The following TLL1 variants were observed in gnomAD, a reference collection of about 807,000 sequenced individuals.
The protein encoded by TLL1 is tolloid like 1.
TLL1 carries 49 observed loss-of-function variants against 128.2 expected under a neutral mutation model. That is an observed-to-expected ratio of 0.38 (90% confidence interval 0.30 to 0.48). TLL1 has a LOEUF of 0.48. TLL1 is among the 20% of genes least tolerant of loss of function. The probability of loss-of-function intolerance (pLI) is 0.96; values close to 1 mark genes in which losing one functional copy is unlikely to be tolerated. For missense variants in TLL1, 1,123 were observed against 1,242.0 expected (o/e 0.90, Z 1.44); for synonymous variants, 454 against 418.8 (o/e 1.08, Z -1.03).
chr4:166,065,906 A>C (rs777922846), intron 16 of TLL1, 43 bp downstream of exon 16: 2 of 1,591,226 alleles, frequency 1.3e-6, no homozygotes, highest in Non-Finnish European at 8.6e-7. Flanking sequence ...ACAGATTTTC[A>C]ATGTGGGTTG....
intron 1 of TLL1, among the ~76,000 whole-genome samples, chr4:165,954,929 A>G (rs1734709958): frequency 6.6e-6 from 1 of 152,090 alleles, no homozygotes; most frequent in African/African-American, 2.4e-5. Flanking sequence ...CCAAGCTGTC[A>G]CACTAGGTCC....
Position 166,014,417 on chromosome 4 carries a change from T to C in TLL1, c.918-19T>C. The stretch of plus-strand genomic sequence containing the variant: ...TTCATTTGGTGACTTAGGTGTGGTT[T>C]GCTTCTGCTTTTTTTCAGGGGGATG... On this transcript the variant is annotated intron_variant, in intron 7 of 20. Transcript: ENST00000061240. The C allele has an allele frequency of 1.2e-6, 2 of 1,611,764 alleles. No individual in the cohort carries two copies. Among genetic ancestry groups the C allele is most frequent in the South Asian group, 1.1e-5 (1 of 91,068 alleles).
intron 16 of TLL1, among the ~76,000 whole-genome samples, chr4:166,069,554 T>C (rs1055325756): frequency 1.3e-5 from 2 of 151,784 alleles, no homozygotes; most frequent in Non-Finnish European, 2.9e-5. Context: ...AGTTTTAACA[T>C]ACAATGAAAT....
intron 1 of TLL1, among the ~76,000 whole-genome samples, chr4:165,896,762 C>A (rs186848257): frequency 6.6e-5 from 10 of 152,134 alleles, no homozygotes; most frequent in South Asian, 2.1e-4. Context: ...GCATTACAGG[C>A]GTGAGGCACC....
intron 1 of TLL1, among the ~76,000 whole-genome samples, chr4:165,888,166 T>G (rs1280632859): frequency 6.6e-6 from 1 of 152,202 alleles, no homozygotes. Flanking sequence ...CTCCCAGTGT[T>G]GCACAGAAGT....
At chr4:165,984,091 C>T (rs558795030) in intron 1 of TLL1, among the ~76,000 whole-genome samples, 2 of 151,840 alleles carry the variant, frequency 1.3e-5, no homozygotes, top group Admixed American at 1.3e-4. Flanking sequence ...TATGAACAAA[C>T]ACTAAAATAA....
At chr4:165,900,799 G>T (rs1731949220) in intron 1 of TLL1, among the ~76,000 whole-genome samples, 2 of 152,170 alleles carry the variant, frequency 1.3e-5, no homozygotes, top group African/African-American at 4.8e-5. Context: ...CCAGGTTGGG[G>T]AAGTTCTCCT....
At chr4:165,898,026 T>A (rs1731765413) in intron 1 of TLL1, among the ~76,000 whole-genome samples, 4 of 152,038 alleles carry the variant, frequency 2.6e-5, no homozygotes, top group Admixed American at 2.6e-4. Context: ...TTTGGCTCTC[T>A]GTTTGTCTGT....
intron 16 of TLL1, among the ~76,000 whole-genome samples, chr4:166,070,918 A>G (rs982963550): frequency 2.6e-5 from 4 of 151,962 alleles, no homozygotes; most frequent in Admixed American, 1.3e-4. Flanking sequence ...TTCTTGTATG[A>G]TTTTGAATCC....
intron 1 of TLL1, among the ~76,000 whole-genome samples, chr4:165,907,745 A>C (rs1480259152): frequency 6.6e-6 from 1 of 152,038 alleles, no homozygotes; most frequent in Non-Finnish European, 1.5e-5. Context: ...ACAGGTTTTC[A>C]CCATGTTGGC....
chr4:166,019,255 A>G (rs1412204962), intron 8 of TLL1, among the ~76,000 whole-genome samples: 1 of 152,174 alleles, frequency 6.6e-6, no homozygotes, highest in East Asian at 1.9e-4. Flanking sequence ...CTAAATATTG[A>G]GCACACATGA....
At chr4:165,997,761 C>A (rs796812804) in intron 5 of TLL1, among the ~76,000 whole-genome samples, 3 of 152,232 alleles carry the variant, frequency 2.0e-5, no homozygotes, top group African/African-American at 7.2e-5. Flanking sequence ...CTTTTTGCCA[C>A]TTAGCTTCAG....
chr4:165,881,069 T>C (rs1730946966), intron 1 of TLL1, among the ~76,000 whole-genome samples: 2 of 152,236 alleles, frequency 1.3e-5, no homozygotes, highest in South Asian at 4.1e-4. Flanking sequence ...AAATACCTAA[T>C]AGTTGAGGCT....
In TLL1 at chr4:166,091,332, C is replaced by T. The variant is rs1005207244; in HGVS notation, c.2647C>T (p.His883Tyr). The T allele has an allele frequency of 6.2e-6, 10 of 1,612,328 alleles. No homozygotes were observed. The highest frequency in any genetic ancestry group is 8.5e-6 in the Non-Finnish European group (10 of 1,179,018). Reference sequence around the variant, plus strand: ...TCAAAGAAAAGGCTTTCAAGCTACACATTCTACAGGTCAGCAAATTCAAGT... The same window carrying T: ...TCAAAGAAAAGGCTTTCAAGCTACATATTCTACAGGTCAGCAAATTCAAGT... ...SVQRKGFQATHSTECGGRLKA... is the reference protein window; with the variant it reads ...SVQRKGFQATYSTECGGRLKA... The change falls in exon 19 of 21, where the codon CAT becomes TAT. Residue 883 changes from histidine (H) to tyrosine (Y), a missense_variant. By Grantham distance (83) the His-to-Tyr change is moderately conservative. This residue lies in a region of TLL1 where 634 missense variants were observed against 672.4 expected (regional missense o/e 0.94). Coordinates refer to ENST00000061240, the MANE Select transcript of TLL1 (RefSeq NM_012464.5).
At chr4:165,897,662 C>CTTTTTTTTTTTTTTTTTTTT (rs951819686) in intron 1 of TLL1, among the ~76,000 whole-genome samples, 3 of 47,516 alleles carry the variant, frequency 6.3e-5, no homozygotes, top group African/African-American at 2.7e-4. Context: ...GGTAGTCCAG[C>CTTTTTTTTTTTTTTTTTTTT]TTTTTTTTTT....
At chr4:165,878,841 A>G (rs1730837253) in intron 1 of TLL1, among the ~76,000 whole-genome samples, 1 of 146,764 alleles carries the variant, frequency 6.8e-6, no homozygotes, top group Admixed American at 6.9e-5. Flanking sequence ...AACAGTTCGT[A>G]TGTGTAGAGC....
chr4:165,873,730 C>G lies in TLL1; in HGVS notation c.-175C>G, dbSNP rs1730593467. The G allele has an allele frequency of 1.5e-6, 1 of 646,332 alleles. No homozygotes were observed. Among genetic ancestry groups the G allele is most frequent in the African/African-American group, 1.8e-5 (1 of 54,940 alleles). 40.0% of individuals were successfully genotyped at this position (646,332 alleles called of 1,614,324 possible). Reference sequence around the variant, plus strand: ...CTGGGGGTAACAGGCAGTGCTTGCCCTCTCTACTGTCCCGGCGGCATCCAC... The same window carrying G: ...CTGGGGGTAACAGGCAGTGCTTGCCGTCTCTACTGTCCCGGCGGCATCCAC... On this transcript the variant is annotated 5_prime_UTR_variant, in exon 1 of 21. Transcript: ENST00000061240.
At chr4:165,916,767 C>CA (rs1732793644) in intron 1 of TLL1, among the ~76,000 whole-genome samples, 1 of 151,926 alleles carries the variant, frequency 6.6e-6, no homozygotes, top group Non-Finnish European at 1.5e-5. Context: ...GATCTAGTAC[C>CA]AAAAAATCTT....
chr4:166,054,733 A>G (rs113844113), intron 12 of TLL1, among the ~76,000 whole-genome samples: 7,548 of 147,902 alleles, frequency 0.051, 237 homozygotes, highest in African/African-American at 0.075. Flanking sequence ...CCAGATTTTT[A>G]GTGATAATTT....
Sources: allele counts gnomAD v4.1 joint callset (sites outside exome capture counted in the v4.1 genomes callset), GRCh38; gene constraint gnomAD v4.1.1; regional missense constraint gnomAD v4.1.1; transcripts MANE v1.5; gene names NCBI Gene and HGNC (gene_info 2026-07-23, HGNC 2026-07-21).